The following DCC variants were observed in gnomAD, a reference collection of about 807,000 sequenced individuals.
The protein encoded by DCC is netrin receptor DCC.
A neutral mutation model predicts 172.5 loss-of-function variants in DCC; 58 were observed. The observed-to-expected ratio is 0.34, with a 90% confidence interval of 0.27 to 0.42. The LOEUF is 0.42. Ranked by LOEUF, DCC falls within the 10% of genes least tolerant of loss-of-function variation. DCC has a pLI of 1.00. For synonymous variants in DCC, 709 were observed against 644.5 expected (o/e 1.10, Z -1.52); for missense variants, 1,740 against 1,791.0 (o/e 0.97, Z 0.51).
chr18:53,375,211 T>A (rs2058097807), intron 15 of DCC, among the ~76,000 whole-genome samples: 2 of 150,790 alleles, frequency 1.3e-5, no homozygotes, highest in South Asian at 4.2e-4. Context: ...TAACCTCTGA[T>A]CTTCCTTCCT....
At chr18:53,229,725 A>G (rs2056092781) in intron 12 of DCC, among the ~76,000 whole-genome samples, 1 of 152,094 alleles carries the variant, frequency 6.6e-6, no homozygotes. Context: ...GTTTCTAAGC[A>G]TCTCTCTCAA....
intron 2 of DCC, among the ~76,000 whole-genome samples, chr18:52,807,175 CAG>C (rs2038102821): frequency 6.6e-6 from 1 of 152,148 alleles, no homozygotes; most frequent in African/African-American, 2.4e-5. Context: ...AGCCTGGTGA[CAG>C]AGCGAGACTG....
intron 3 of DCC, among the ~76,000 whole-genome samples, chr18:52,920,005 T>C (rs1214938234): frequency 1.1e-5 from 1 of 90,390 alleles, no homozygotes; most frequent in African/African-American, 4.5e-5. Context: ...ACTGGAACAA[T>C]AGAATGTCCA....
intron 1 of DCC, among the ~76,000 whole-genome samples, chr18:52,625,870 C>T (rs1725445881): frequency 6.6e-6 from 1 of 152,166 alleles, no homozygotes; most frequent in African/African-American, 2.4e-5. Flanking sequence ...CAGGGGATTA[C>T]ATTCTTGTGG....
intron 7 of DCC, among the ~76,000 whole-genome samples, chr18:53,092,714 C>T: frequency 6.6e-6 from 1 of 152,004 alleles, no homozygotes; most frequent in Non-Finnish European, 1.5e-5. Context: ...GTTTATTTTG[C>T]TATTTTGCTT....
At chr18:52,824,609 C>G (rs548572714) in intron 2 of DCC, among the ~76,000 whole-genome samples, 19 of 152,196 alleles carry the variant, frequency 1.2e-4, no homozygotes, top group Non-Finnish European at 2.2e-4. Flanking sequence ...GAAGGTTAGT[C>G]TTTTGAACTG....
At chr18:52,695,676 G>A (rs1348824727) in intron 1 of DCC, among the ~76,000 whole-genome samples, 1 of 152,222 alleles carries the variant, frequency 6.6e-6, no homozygotes, top group East Asian at 1.9e-4. Flanking sequence ...GGTAGCCCTA[G>A]TGGAAGATGG....
chr18:53,273,918 C>T (rs1331367039), intron 12 of DCC, among the ~76,000 whole-genome samples: 2 of 151,950 alleles, frequency 1.3e-5, no homozygotes, highest in African/African-American at 4.8e-5. Flanking sequence ...AGCTCATGTT[C>T]CCTGATAATA....
At chr18:52,827,486 G>A (rs560911775) in intron 2 of DCC, among the ~76,000 whole-genome samples, 2 of 152,312 alleles carry the variant, frequency 1.3e-5, no homozygotes, top group South Asian at 2.1e-4. Flanking sequence ...ATAACCACAC[G>A]TATGTTTGAA....
chr18:52,495,270 C>T (rs919828740), intron 1 of DCC, among the ~76,000 whole-genome samples: 6 of 152,046 alleles, frequency 3.9e-5, no homozygotes, highest in Admixed American at 3.9e-4. Context: ...TTTTCATTTC[C>T]CTCTTTTAAG....
intron 2 of DCC, among the ~76,000 whole-genome samples, chr18:52,758,230 A>G (rs2037106319): frequency 6.6e-6 from 1 of 152,224 alleles, no homozygotes; most frequent in Non-Finnish European, 1.5e-5. Flanking sequence ...TTTTAAAATA[A>G]GCTCATAAAT....
At chr18:52,773,412 A>G (rs998550052) in intron 2 of DCC, among the ~76,000 whole-genome samples, 1 of 152,214 alleles carries the variant, frequency 6.6e-6, no homozygotes, top group Non-Finnish European at 1.5e-5. Context: ...TATTCACCAA[A>G]TCTTTATTAG....
chr18:53,368,228 T>C (rs536976945), intron 15 of DCC, among the ~76,000 whole-genome samples: 1 of 152,290 alleles, frequency 6.6e-6, no homozygotes, highest in East Asian at 1.9e-4. Flanking sequence ...TTGGCCATTG[T>C]ATATCCTCTT....
chr18:52,856,461 T>TA (rs1292289096), intron 2 of DCC, among the ~76,000 whole-genome samples: 20 of 150,892 alleles, frequency 1.3e-4, no homozygotes, highest in Admixed American at 1.3e-3. Flanking sequence ...CCGTCTCTAC[T>TA]AAAAAATACA....
At chr18:52,502,863 C>T (rs1210201145) in intron 1 of DCC, among the ~76,000 whole-genome samples, 1 of 152,160 alleles carries the variant, frequency 6.6e-6, no homozygotes, top group African/African-American at 2.4e-5. Context: ...GGGAGAATTT[C>T]CAAATATACC....
At chr18:52,617,922 G>A (rs1443912470) in intron 1 of DCC, among the ~76,000 whole-genome samples, 1 of 152,174 alleles carries the variant, frequency 6.6e-6, no homozygotes, top group Non-Finnish European at 1.5e-5. Context: ...TTTGAGCCAT[G>A]TCTATATAGC....
chr18:53,410,699 T>C (rs1225104232), intron 20 of DCC, 53 bp downstream of exon 20: 14 of 1,153,688 alleles, frequency 1.2e-5, no homozygotes, highest in Non-Finnish European at 1.7e-5. Flanking sequence ...TGTTATAAAA[T>C]AGCTTTGCAC....
chr18:53,055,324 G>C (rs2042389165), intron 5 of DCC, among the ~76,000 whole-genome samples: 1 of 152,044 alleles, frequency 6.6e-6, no homozygotes, highest in African/African-American at 2.4e-5. Flanking sequence ...ATGTATAAAA[G>C]TAAATATCCC....
At chr18:53,281,842 G>A (rs1332324632) in intron 12 of DCC, among the ~76,000 whole-genome samples, 1 of 146,096 alleles carries the variant, frequency 6.8e-6, no homozygotes, top group Non-Finnish European at 1.5e-5. Context: ...AGTTGCAATA[G>A]AATTCTCCAA....
Sources: gnomAD v4.1 joint callset for allele counts (sites outside exome capture counted in the v4.1 genomes callset) on GRCh38, gnomAD v4.1.1 for gene constraint, MANE v1.5 for transcripts, NCBI Gene and HGNC (gene_info 2026-07-23, HGNC 2026-07-21) for gene names.